CEP120: variants seen among roughly 807,000 people sequenced by gnomAD.
The protein encoded by CEP120 is centrosomal protein of 120 kDa.
A neutral mutation model predicts 126.5 loss-of-function variants in CEP120; 113 were observed. The observed-to-expected ratio is 0.89, with a 90% CI of 0.77 to 1.04. CEP120 has a LOEUF of 1.04. Ranked by LOEUF, CEP120 falls within the 50% of genes least tolerant of loss-of-function variation. The pLI is 0.00. For missense variants in CEP120, 1,230 were observed against 1,155.7 expected, an observed-to-expected ratio of 1.06 and a Z score of -0.93; for synonymous variants, 400 against 394.3, an observed-to-expected ratio of 1.01 and a Z score of -0.17.
Position 123,388,435 on chromosome 5 carries a change from AAT to A in CEP120, c.1425_1426del (p.Leu476LysfsTer16). 1 of 1,533,214 alleles carries A rather than the reference AAT, an allele frequency of 6.5e-7. No homozygotes were observed. Among genetic ancestry groups the A allele is most frequent in the Non-Finnish European group, 8.8e-7 (1 of 1,140,968 alleles). The allele number at this position is 1,533,214 out of a possible 1,614,324, so 95.0% of individuals were successfully genotyped here. On this transcript the variant is annotated frameshift_variant, in exon 9 of 20. Coordinates refer to ENST00000306467, the MANE Select transcript of CEP120 (RefSeq NM_001375405.1). LOFTEE classifies it high-confidence loss of function. The stretch of plus-strand genomic sequence containing the variant: ...TTGAAACAAAATCAAATCACACCTT[AAT>A]ATACAGTTGATTGGAAAACCAATCT...
chr5:123,380,560 C>T (rs1771565637), intron 14 of CEP120, among the ~76,000 whole-genome samples: 1 of 152,012 alleles, frequency 6.6e-6, no homozygotes, highest in African/African-American at 2.4e-5. Context: ...AAAATGACAA[C>T]AAACCAAAAA....
intron 18 of CEP120, among the ~76,000 whole-genome samples, chr5:123,364,032 CA>C (rs1562008702): frequency 6.6e-6 from 1 of 151,492 alleles, no homozygotes; most frequent in Non-Finnish European, 1.5e-5. Context: ...AAACTTCTAT[CA>C]AAGTTTTTAA....
chr5:123,402,985 C>A (rs1773368679), intron 4 of CEP120, among the ~76,000 whole-genome samples: 1 of 152,198 alleles, frequency 6.6e-6, no homozygotes, highest in African/African-American at 2.4e-5. Flanking sequence ...GATGCCAGTG[C>A]CTTGATCTTG....
Position 123,385,150 on chromosome 5 carries a change from CAT to C in CEP120, c.1581-19_1581-18del, listed in dbSNP as rs759530533. 53 of 1,597,710 alleles carry C rather than the reference CAT, an allele frequency of 3.3e-5. No individual in the cohort carries two copies. The highest frequency in any genetic ancestry group is 4.3e-5 in the Non-Finnish European group (50 of 1,170,722). On this transcript the variant is annotated intron_variant, in intron 10 of 19. Transcript: ENST00000306467. The stretch of plus-strand genomic sequence containing the variant: ...AATGGAATCCTAAGGAAGAGAGAAA[CAT>C]GTGTTCATACCTATCAACTCTGACC...
chr5:123,404,474 C>T (rs1299179633), intron 4 of CEP120, among the ~76,000 whole-genome samples: 1 of 151,906 alleles, frequency 6.6e-6, no homozygotes, highest in Non-Finnish European at 1.5e-5. Flanking sequence ...ATGACTGATG[C>T]CTGGTAAATA....
chr5:123,374,875 T>C (rs1487362476), intron 16 of CEP120, among the ~76,000 whole-genome samples: 1 of 152,180 alleles, frequency 6.6e-6, no homozygotes, highest in Non-Finnish European at 1.5e-5. Flanking sequence ...ACAATTGGGC[T>C]ATAAAGCAGT....
Position 123,350,006 on chromosome 5 carries a change from C to G in CEP120, c.2664G>C (p.Glu888Asp). 1.2e-6 allele frequency: 2 copies of G among 1,613,620 alleles called. No homozygotes were observed. Among genetic ancestry groups the G allele is most frequent in the Non-Finnish European group, 1.7e-6 (2 of 1,179,816 alleles). ...EQMRLRYLAA[E>D]EKDTVKTERQ... ...GCTCGGTTTTTACTGTATCTTTTTC[C>G]TCAGCGGCAAGGTAACGTAGTCTCA... The change falls in exon 19 of 20, where the codon GAG becomes GAC. Residue 888 changes from glutamate (E) to aspartate (D), a missense_variant. Coordinates refer to ENST00000306467, the MANE Select transcript of CEP120 (RefSeq NM_001375405.1).
In CEP120 at chr5:123,346,641, G is replaced by C; in HGVS notation, c.2839C>G (p.Arg947Gly). ...LEEGLDDYLTRLIEERDTLMR... is the reference protein window; with the variant it reads ...LEEGLDDYLTGLIEERDTLMR... Reference sequence around the variant, plus strand: ...AAAGTATCCCTTTCTTCTATCAGGCGAGTCAAATAATCATCCAAACCTTCT... The same window carrying C: ...AAAGTATCCCTTTCTTCTATCAGGCCAGTCAAATAATCATCCAAACCTTCT... The change falls in exon 20 of 20, where the codon CGC becomes GGC. Residue 947 changes from arginine to glycine, a missense_variant. Arg to Gly is a moderately radical substitution (Grantham distance 125). Transcript: ENST00000306467. 1 of 1,613,894 alleles carries C rather than the reference G, an allele frequency of 6.2e-7. No individual in the cohort carries two copies. The highest frequency in any genetic ancestry group is 8.5e-7 in the Non-Finnish European group (1 of 1,179,924).
rs756937372 is a variant in CEP120, at chr5:123,382,754, C to G, written c.1996G>C (p.Asp666His). 6.2e-7 allele frequency: 1 copy of G among 1,611,968 alleles called. No homozygotes were observed. The highest frequency in any genetic ancestry group is 8.5e-7 in the Non-Finnish European group (1 of 1,179,164). The change falls in exon 13 of 20, where the codon GAT (aspartate) becomes CAT (histidine). Residue 666 changes from aspartate (D) to histidine (H), a missense_variant. By Grantham distance (81) the Asp-to-His change is moderately conservative. Coordinates refer to ENST00000306467, the MANE Select transcript of CEP120 (RefSeq NM_001375405.1). Reference sequence around the variant, plus strand: ...AAAGTAACCTGATTTTCAAATATATCTTCTTGCATCTCCTTCCACATTTCT... The same window carrying G: ...AAAGTAACCTGATTTTCAAATATATGTTCTTGCATCTCCTTCCACATTTCT... Reference protein sequence around the residue: ...ELEMWKEMQEDIFENQLKQKE... With the variant: ...ELEMWKEMQEHIFENQLKQKE...
chr5:123,418,599 G>GTT (rs10544575), intron 1 of CEP120, 84 bp from the exon 2 acceptor site: 2,334 of 860,970 alleles, frequency 2.7e-3, no homozygotes, highest in South Asian at 3.3e-3. Context: ...TGTTTGGCTG[G>GTT]TTTTTTTTTT....
At chr5:123,360,068 G>C (rs1312619398) in intron 18 of CEP120, among the ~76,000 whole-genome samples, 2 of 151,888 alleles carry the variant, frequency 1.3e-5, no homozygotes, top group East Asian at 1.9e-4. Context: ...CAGCCCCGTG[G>C]CTATTCACCA....
intron 15 of CEP120, among the ~76,000 whole-genome samples, chr5:123,377,762 A>C (rs1292225865): frequency 6.6e-6 from 1 of 152,118 alleles, no homozygotes; most frequent in Non-Finnish European, 1.5e-5. Flanking sequence ...AATTTGTATA[A>C]ATTCACTTGA....
chr5:123,371,705 G>A (rs761778281), intron 17 of CEP120, among the ~76,000 whole-genome samples: 40 of 152,056 alleles, frequency 2.6e-4, no homozygotes, highest in Non-Finnish European at 5.3e-4. Flanking sequence ...CGAAAATAAA[G>A]GAAGTAGAGA....
chr5:123,389,987 C>A lies in CEP120; in HGVS notation c.1192G>T (p.Asp398Tyr). 1 of 1,614,124 alleles carries A rather than the reference C, an allele frequency of 6.2e-7. No homozygotes were observed. Residue 398 changes from aspartate (D) to tyrosine (Y), a missense_variant, in exon 8 of 20, where the codon GAT becomes TAT. By Grantham distance (160) the Asp-to-Tyr change is radical (BLOSUM62 -3). Coordinates refer to ENST00000306467, the MANE Select transcript of CEP120 (RefSeq NM_001375405.1). ...CTTTCCACTTCACTTTCTGTTGCAT[C>A]ATCTTTTGTTGGAGGTGACTGGTTG... ...SHNQSPPTKD[D>Y]ATESEVESLQ...
At chr5:123,347,340 C>A (rs145786781) in intron 19 of CEP120, among the ~76,000 whole-genome samples, 1 of 152,176 alleles carries the variant, frequency 6.6e-6, no homozygotes, top group Non-Finnish European at 1.5e-5. Context: ...TTTAAAAATT[C>A]ATTCAACAAA....
intron 18 of CEP120, among the ~76,000 whole-genome samples, chr5:123,352,815 C>T (rs969980889): frequency 1.3e-5 from 2 of 151,922 alleles, no homozygotes; most frequent in Admixed American, 6.6e-5. Context: ...GAATGGTTTA[C>T]CTAATTATGT....
chr5:123,377,462 C>T lies in CEP120; in HGVS notation c.2270G>A (p.Arg757Lys). The change falls in exon 16 of 20, where the codon AGG (arginine) becomes AAG (lysine). Residue 757 changes from arginine (R) to lysine (K), a missense_variant. Physicochemically the swap from Arg to Lys is conservative, Grantham distance 26. Transcript: ENST00000306467. ...TTGGTGAATACAGTCCTCTTTGGCC[C>T]TACGGATAGAGTCCTGCAGTTCTTG... ...NLQELQDSIR[R>K]AKEDCIHQVE... is the part of the protein sequence containing the mutation. 2 of 1,611,468 alleles carry T rather than the reference C, an allele frequency of 1.2e-6. No homozygotes were observed. The highest frequency in any genetic ancestry group is 2.2e-5 in the East Asian group (1 of 44,786).
chr5:123,395,374 GT>G (rs1208488699), intron 5 of CEP120, among the ~76,000 whole-genome samples: 2 of 152,142 alleles, frequency 1.3e-5, no homozygotes, highest in Non-Finnish European at 2.9e-5. Context: ...ATCTGAAAAG[GT>G]TTGTAAATCT....
intron 19 of CEP120, among the ~76,000 whole-genome samples, chr5:123,349,635 T>A (rs1424931235): frequency 2.0e-5 from 3 of 152,090 alleles, no homozygotes; most frequent in African/African-American, 7.2e-5. Flanking sequence ...GGCATAGACT[T>A]TTTTTCTTTC....
Sources: allele counts gnomAD v4.1 joint callset (sites outside exome capture counted in the v4.1 genomes callset), GRCh38; gene constraint gnomAD v4.1.1; transcripts MANE v1.5; gene names NCBI Gene and HGNC (gene_info 2026-07-23, HGNC 2026-07-21).